The following COG5 variants were observed in gnomAD, a reference collection of about 807,000 sequenced individuals.
COG5 encodes component of oligomeric golgi complex 5.
A neutral mutation model predicts 110.4 loss-of-function variants in COG5; 86 were observed. That is an observed-to-expected ratio of 0.78 (90% CI 0.65 to 0.93). The LOEUF is 0.93. Ranked by LOEUF, COG5 falls within the 40% of genes least tolerant of loss-of-function variation. COG5 has a pLI of 0.00. For synonymous variants in COG5, 360 were observed against 334.6 expected, an observed-to-expected ratio of 1.08 and a Z score of -0.83; for missense variants, 1,077 against 987.0, an observed-to-expected ratio of 1.09 and a Z score of -1.22.
At chr7:107,312,948 C>T (rs1808414370) in intron 11 of COG5, among the ~76,000 whole-genome samples, 1 of 152,146 alleles carries the variant, frequency 6.6e-6, no homozygotes, top group South Asian at 2.1e-4. Flanking sequence ...GGAACATTTG[C>T]TGAGTTCTGC....
chr7:107,476,183 T>TAAAAAAAAAAAAAAAAA lies in COG5; in HGVS notation c.538+51053_538+51054insTTTTTTTTTTTTTTTTT, dbSNP rs1563056700. Among the ~76,000 whole-genome samples the TAAAAAAAAAAAAAAAAA allele has an allele frequency of 3.0e-3, 262 of 86,140 alleles. 3 individuals carry two copies. The highest frequency in any genetic ancestry group is 3.5e-3 in the Non-Finnish European group (159 of 45,792). The allele number at this position is 86,140 out of a possible 152,430, so 56.5% of individuals were successfully genotyped here. On this transcript the variant is annotated intron_variant, in intron 6 of 21. Coordinates refer to ENST00000297135, the MANE Select transcript of COG5 (RefSeq NM_006348.5). Reference sequence around the variant, plus strand: ...TCTGGATTAATATAGTGCAATGATTTTAAAAAAAAAAAAAAAAAAAAAAAG... The same window carrying TAAAAAAAAAAAAAAAAA: ...TCTGGATTAATATAGTGCAATGATTTAAAAAAAAAAAAAAAAATAAAAAAAAAAAAAAAAAAAAAAAG...
Position 107,298,227 on chromosome 7 carries a change from T to C in COG5, c.1228A>G (p.Ser410Gly). The C allele has an allele frequency of 6.2e-7, 1 of 1,613,710 alleles. No homozygotes were observed. Among genetic ancestry groups the C allele is most frequent in the South Asian group, 1.1e-5 (1 of 91,072 alleles). The change falls in exon 12 of 22, where the codon AGT becomes GGT. Residue 410 changes from serine to glycine, a missense_variant. Coordinates refer to ENST00000297135, the MANE Select transcript of COG5 (RefSeq NM_006348.5). ...SQHIQGNFNA[S>G]GTTDLYVDLQ... ...TCAACATAGAGGTCTGTAGTTCCAC[T>C]TGCATTAAAATTCCCTTGGATATGC...
At chr7:107,377,013 G>A (rs1048545758) in intron 7 of COG5, among the ~76,000 whole-genome samples, 4 of 152,008 alleles carry the variant, frequency 2.6e-5, no homozygotes, top group Non-Finnish European at 5.9e-5. Context: ...TTTAAAGGAA[G>A]ACAACTAGTA....
At chr7:107,480,313 G>A (rs1797260986) in intron 6 of COG5, among the ~76,000 whole-genome samples, 1 of 152,028 alleles carries the variant, frequency 6.6e-6, no homozygotes, top group Non-Finnish European at 1.5e-5. Context: ...CACTAAATAA[G>A]ATGAGAAATA....
At chr7:107,351,724 T>C (rs993460854) in intron 10 of COG5, among the ~76,000 whole-genome samples, 2 of 151,942 alleles carry the variant, frequency 1.3e-5, no homozygotes, top group African/African-American at 4.8e-5. Flanking sequence ...TCATCATCAC[T>C]GGTCATCAGA....
chr7:107,534,491 C>CAA (rs762079738), intron 5 of COG5, among the ~76,000 whole-genome samples: 3 of 123,732 alleles, frequency 2.4e-5, no homozygotes, highest in Non-Finnish European at 3.5e-5. Context: ...AAATGGAAAG[C>CAA]AAAAAAAAAA....
chr7:107,371,181 G>T (rs1814125066), intron 8 of COG5, among the ~76,000 whole-genome samples: 1 of 152,080 alleles, frequency 6.6e-6, no homozygotes, highest in African/African-American at 2.4e-5. Flanking sequence ...CAGAGGCTAG[G>T]CCTAACCTTT....
intron 8 of COG5, among the ~76,000 whole-genome samples, chr7:107,369,314 C>T (rs1362051171): frequency 6.6e-6 from 1 of 151,728 alleles, no homozygotes; most frequent in East Asian, 1.9e-4. Context: ...TGTATTAATC[C>T]CCTTAATAAA....
intron 6 of COG5, among the ~76,000 whole-genome samples, chr7:107,414,790 G>A (rs1038676815): frequency 9.4e-5 from 12 of 128,048 alleles, no homozygotes; most frequent in East Asian, 7.0e-4. Flanking sequence ...ACAGTGGTGC[G>A]ATCTCGGCTC....
At chr7:107,457,693 G>A (rs1384143843) in intron 6 of COG5, among the ~76,000 whole-genome samples, 1 of 152,160 alleles carries the variant, frequency 6.6e-6, no homozygotes, top group Non-Finnish European at 1.5e-5. Context: ...GCCTCCCAAA[G>A]TGCTGGGATT....
chr7:107,240,073 G>A (rs564157001), intron 17 of COG5, among the ~76,000 whole-genome samples: 1 of 151,994 alleles, frequency 6.6e-6, no homozygotes, highest in East Asian at 1.9e-4. Context: ...CACTTTACAT[G>A]GACTGCAACA....
intron 18 of COG5, 150 bp from the exon 19 acceptor site, chr7:107,230,841 A>C: frequency 1.5e-6 from 1 of 663,608 alleles, no homozygotes; most frequent in Non-Finnish European, 2.7e-6. Context: ...AAATTTATTA[A>C]AAGGTAAGCA....
chr7:107,398,674 G>A (rs1205144976), intron 7 of COG5, among the ~76,000 whole-genome samples: 1 of 152,116 alleles, frequency 6.6e-6, no homozygotes, highest in African/African-American at 2.4e-5. Flanking sequence ...CTAAATAAAA[G>A]ATTGTGCTAA....
intron 6 of COG5, 110 bp downstream of exon 6, chr7:107,527,127 A>T: frequency 1.1e-6 from 1 of 935,286 alleles, no homozygotes; most frequent in Non-Finnish European, 1.6e-6. Flanking sequence ...TTATTTAAAA[A>T]TTTGTTTAAT....
chr7:107,546,520 C>G lies in COG5; in HGVS notation c.417+1591G>C, dbSNP rs112450990. On this transcript the variant is annotated intron_variant, in intron 5 of 21. Coordinates refer to ENST00000297135, the MANE Select transcript of COG5 (RefSeq NM_006348.5). ...GTGCAATCTTGGCTCGCTGCAACTT[C>G]CACCTCCCAGGCTCAAGCAATTCTT... Among the ~76,000 whole-genome samples, 10 of 145,730 alleles carry G rather than the reference C, an allele frequency of 6.9e-5. 3 individuals are homozygous for G. The highest frequency in any genetic ancestry group is 2.5e-4 in the African/African-American group (10 of 39,672).
chr7:107,448,721 T>C (rs532145203), intron 6 of COG5, among the ~76,000 whole-genome samples: 7 of 152,298 alleles, frequency 4.6e-5, no homozygotes, highest in African/African-American at 1.7e-4. Flanking sequence ...GATTCTTGAA[T>C]AGGTTTGAAA....
At chr7:107,509,503 A>G (rs1265276489) in intron 6 of COG5, among the ~76,000 whole-genome samples, 1 of 152,208 alleles carries the variant, frequency 6.6e-6, no homozygotes, top group African/African-American at 2.4e-5. Context: ...AACTTCCCCA[A>G]TCTAGCAAGG....
intron 6 of COG5, among the ~76,000 whole-genome samples, chr7:107,516,660 G>T (rs1450926886): frequency 6.6e-6 from 1 of 152,200 alleles, no homozygotes; most frequent in East Asian, 1.9e-4. Context: ...GCTTCCAGAG[G>T]AAGGAGCAGG....
chr7:107,331,381 T>C (rs1349721284), intron 10 of COG5, among the ~76,000 whole-genome samples: 1 of 151,840 alleles, frequency 6.6e-6, no homozygotes, highest in East Asian at 1.9e-4. Flanking sequence ...GGCAGGAGAA[T>C]GGCGTGAACC....
Sources: gnomAD v4.1 joint callset for allele counts (sites outside exome capture counted in the v4.1 genomes callset) on GRCh38, gnomAD v4.1.1 for gene constraint, MANE v1.5 for transcripts, NCBI Gene and HGNC (gene_info 2026-07-23, HGNC 2026-07-21) for gene names.